PPP2R5C: variants seen among roughly 807,000 people sequenced by gnomAD.
PPP2R5C encodes serine/threonine-protein phosphatase 2A 56 kDa regulatory subunit gamma isoform.
A neutral mutation model predicts 68.9 loss-of-function variants in PPP2R5C; 7 were observed. That is an observed-to-expected ratio of 0.10 (90% CI 0.06 to 0.19). The LOEUF (loss-of-function observed/expected upper bound fraction) is 0.19, where lower values mean the gene tolerates loss of function less well. PPP2R5C is among the 10% of genes least tolerant of loss of function. The pLI, the probability that PPP2R5C is intolerant of heterozygous loss-of-function variation, is 1.00. For missense variants in PPP2R5C, 348 were observed against 641.3 expected, an observed-to-expected ratio of 0.54 and a Z score of 4.94; for synonymous variants, 210 against 222.2, an observed-to-expected ratio of 0.95 and a Z score of 0.49.
chr14:101,803,678 C>T (rs751024825), intron 3 of PPP2R5C, among the ~76,000 whole-genome samples: 21 of 151,516 alleles, frequency 1.4e-4, no homozygotes, highest in Non-Finnish European at 2.2e-4. Context: ...GAGCAGACAT[C>T]GCACCACTGC....
chr14:101,783,306 G>A (rs949199722), intron 2 of PPP2R5C, among the ~76,000 whole-genome samples: 5 of 134,388 alleles, frequency 3.7e-5, no homozygotes, highest in African/African-American at 1.4e-4. Flanking sequence ...GCTTTGGGCA[G>A]CTCTGCAGCT....
At chr14:101,770,654 A>G (rs2037097067) in intron 2 of PPP2R5C, among the ~76,000 whole-genome samples, 1 of 152,238 alleles carries the variant, frequency 6.6e-6, no homozygotes, top group Non-Finnish European at 1.5e-5. Flanking sequence ...CCTCTTCAGT[A>G]AAAGCTTCGC....
intron 1 of PPP2R5C, among the ~76,000 whole-genome samples, chr14:101,821,677 C>T (rs1282417980): frequency 6.6e-6 from 1 of 151,810 alleles, no homozygotes; most frequent in Non-Finnish European, 1.5e-5. Context: ...CTGTATTGTA[C>T]TGTGTATACA....
At chr14:101,895,910 A>C (rs887022881) in intron 8 of PPP2R5C, among the ~76,000 whole-genome samples, 1 of 152,202 alleles carries the variant, frequency 6.6e-6, no homozygotes. Context: ...TTCCACAGTG[A>C]CTGTCCCGTT....
intron 5 of PPP2R5C, among the ~76,000 whole-genome samples, chr14:101,886,834 A>G (rs2044556581): frequency 6.6e-6 from 1 of 152,000 alleles, no homozygotes; most frequent in South Asian, 2.1e-4. Context: ...GGCTTAAGGG[A>G]TCCTTCTACC....
intron 1 of PPP2R5C, among the ~76,000 whole-genome samples, chr14:101,851,684 A>G (rs1457066065): frequency 6.6e-6 from 1 of 151,964 alleles, no homozygotes; most frequent in Non-Finnish European, 1.5e-5. Context: ...AGGCCCCAAC[A>G]TCTGTGCAGC....
At position 101,899,512 on chromosome 14, in the gene PPP2R5C, C is replaced by T. The variant is rs974593875; in HGVS notation, c.853-2207C>T. Among the ~76,000 whole-genome samples the T allele has an allele frequency of 1.3e-5, 2 of 152,238 alleles. No homozygotes were observed. The highest frequency in any genetic ancestry group is 6.5e-5 in the Admixed American group (1 of 15,286). On this transcript the variant is annotated intron_variant, in intron 8 of 13. Coordinates refer to ENST00000334743, the Ensembl canonical transcript of PPP2R5C. The surrounding 1 kb of genome is among the most constrained non-coding windows in gnomAD (Gnocchi z 4.2). ...ACTGACGCAGCAAAATAGCTGATAC[C>T]GATCACAGCTCATTCCAAACAATGT... is the stretch of plus-strand genomic sequence containing the variant.
At chr14:101,900,066 G>A (rs2045590391) in intron 8 of PPP2R5C, among the ~76,000 whole-genome samples, 1 of 151,542 alleles carries the variant, frequency 6.6e-6, no homozygotes, top group Non-Finnish European at 1.5e-5. Context: ...TTTAAATTTT[G>A]TGTAGAGACA....
intron 1 of PPP2R5C, chr14:101,836,220 C>T (rs1221311397): frequency 2.8e-6 from 2 of 702,738 alleles, no homozygotes; most frequent in Non-Finnish European, 5.2e-6. Context: ...TTGGAAGTCC[C>T]TGACCTTCAG....
chr14:101,797,253 G>A lies in PPP2R5C; in HGVS notation c.259+11070G>A, dbSNP rs976797212. The A allele has an allele frequency of 1.8e-5, 8 of 455,888 alleles. No homozygotes were observed. The highest frequency in any genetic ancestry group is 3.2e-4 in the Middle Eastern group (1 of 3,092). The allele number at this position is 455,888 out of a possible 1,614,324, so 28.2% of individuals were successfully genotyped here. ...CACGTGCCAGACCCTCGCTCCCGTCGAAGGCTGATGCCATCCTTCAGTGAT... is the reference window on the plus strand; with the variant it reads ...CACGTGCCAGACCCTCGCTCCCGTCAAAGGCTGATGCCATCCTTCAGTGAT... On this transcript the variant is annotated intron_variant, in intron 3 of 14. Transcript: ENST00000328724. The surrounding 1 kb of genome is among the most constrained non-coding windows in gnomAD (Gnocchi z 4.2).
In PPP2R5C at chr14:101,879,898, T is replaced by C. The variant is rs2044046688; in HGVS notation, c.295-2263T>C. 6.6e-6 allele frequency among the ~76,000 whole-genome samples: 1 copy of C among 152,232 alleles called. No individual in the cohort carries two copies. On this transcript the variant is annotated intron_variant, in intron 2 of 13. Transcript: ENST00000334743. This position sits in a 1 kb window ranked among gnomAD's most constrained non-coding sequence, Gnocchi z 4.2. ...CTAATGACAGGACCCTGGGAGGACA[T>C]GGCGGCCTGCCCAAAGTGTGTGTGT...
At chr14:101,910,855 C>T (rs1440985663) in intron 11 of PPP2R5C, among the ~76,000 whole-genome samples, 1 of 152,130 alleles carries the variant, frequency 6.6e-6, no homozygotes, top group Non-Finnish European at 1.5e-5. Flanking sequence ...GTAATCCCAG[C>T]ACTTTGGGAG....
intron 2 of PPP2R5C, chr14:101,767,144 G>A (rs1202517884): frequency 1.3e-5 from 2 of 152,086 alleles, no homozygotes; most frequent in East Asian, 1.9e-4. Context: ...TCTCCAACTC[G>A]TTAGCTAGCT....
chr14:101,848,593 G>A (rs374352810), intron 1 of PPP2R5C, among the ~76,000 whole-genome samples: 3 of 152,128 alleles, frequency 2.0e-5, no homozygotes, highest in Non-Finnish European at 2.9e-5. Flanking sequence ...GTGCGAGTAT[G>A]TCTTCTGGTC....
chr14:101,793,675 C>CA (rs1009757500), intron 3 of PPP2R5C, among the ~76,000 whole-genome samples: 1 of 152,340 alleles, frequency 6.6e-6, no homozygotes, highest in African/African-American at 2.4e-5. Flanking sequence ...TAAGTGTTAA[C>CA]AGCTCAGTGG....
At chr14:101,773,204 G>C (rs964556250) in intron 2 of PPP2R5C, among the ~76,000 whole-genome samples, 2 of 152,106 alleles carry the variant, frequency 1.3e-5, no homozygotes, top group Non-Finnish European at 2.9e-5. Flanking sequence ...GTGTGGAGCT[G>C]CAGGTGTTTT....
intron 2 of PPP2R5C, among the ~76,000 whole-genome samples, chr14:101,864,319 T>C (rs2042929585): frequency 6.6e-6 from 1 of 152,048 alleles, no homozygotes; most frequent in East Asian, 1.9e-4. Flanking sequence ...TCCAGAAATA[T>C]CCAAATCTAT....
intron 8 of PPP2R5C, among the ~76,000 whole-genome samples, chr14:101,898,605 C>T (rs993623032): frequency 6.6e-5 from 10 of 152,150 alleles, no homozygotes; most frequent in Non-Finnish European, 1.2e-4. Flanking sequence ...TGGGTCCTTC[C>T]GGCGTAAATG....
In PPP2R5C at chr14:101,825,371, A is replaced by G. The variant is rs1198620560; in HGVS notation, c.94+15335A>G. Among the ~76,000 whole-genome samples the G allele has an allele frequency of 1.3e-5, 2 of 152,174 alleles. No homozygotes were observed. The highest frequency in any genetic ancestry group is 4.8e-5 in the African/African-American group (2 of 41,430). On this transcript the variant is annotated intron_variant, in intron 1 of 13. Coordinates refer to ENST00000334743, the Ensembl canonical transcript of PPP2R5C. This position sits in a 1 kb window ranked among gnomAD's most constrained non-coding sequence, Gnocchi z 4.0. ...CTGTGTCTTAGAAGTTACTGCTATG[A>G]TTTTAGCCACTTAACTGGCTAGAAC...
Sources: allele counts gnomAD v4.1 joint callset (sites outside exome capture counted in the v4.1 genomes callset), GRCh38; gene constraint gnomAD v4.1.1; non-coding constraint Gnocchi (gnomAD v3.1); transcripts MANE v1.5; gene names NCBI Gene and HGNC (gene_info 2026-07-23, HGNC 2026-07-21).